FSHR: variants seen among roughly 807,000 people sequenced by gnomAD.
The protein encoded by FSHR is follicle stimulating hormone receptor.
FSHR carries 46 observed loss-of-function variants against 52.1 expected under a neutral mutation model. That is an observed-to-expected ratio of 0.88 (90% CI 0.70 to 1.13). FSHR has a LOEUF of 1.13. Among genes scored for constraint, FSHR ranks in the 50% most tolerant of loss-of-function variants. The probability of loss-of-function intolerance (pLI) is 0.00; values close to 1 mark genes in which losing one functional copy is unlikely to be tolerated. For synonymous variants in FSHR, 399 were observed against 309.6 expected (o/e 1.29, Z -3.03); for missense variants, 964 against 834.6 (o/e 1.16, Z -1.91).
intron 1 of FSHR, among the ~76,000 whole-genome samples, chr2:49,105,222 G>A (rs78307827): frequency 0.042 from 6,348 of 152,146 alleles, 419 homozygotes; most frequent in African/African-American, 0.15. Context: ...AGTGAGAAAG[G>A]GAGCCTATGT....
At chr2:49,020,022 TA>T in intron 3 of FSHR, 63 bp downstream of exon 3, 1 of 1,361,750 alleles carries the variant, frequency 7.3e-7, no homozygotes, top group Non-Finnish European at 1.1e-6. Context: ...CCCAGGAATG[TA>T]GAAGAACTTT....
chr2:49,023,401 C>T (rs1057007273), intron 2 of FSHR, among the ~76,000 whole-genome samples: 15 of 152,140 alleles, frequency 9.9e-5, no homozygotes, highest in African/African-American at 3.1e-4. Context: ...ATCTTCAGGC[C>T]TATGAATATC....
rs190340994 is a variant in FSHR, at chr2:49,138,818, A to T, written c.152+15448T>A. On this transcript the variant is annotated intron_variant, in intron 1 of 9. Coordinates refer to ENST00000406846, the MANE Select transcript of FSHR (RefSeq NM_000145.4). ...AAAGCCATTCAAATGCACACTTCAA[A>T]TGAGAAGATTGTATTGTATGTGAGT... 4.6e-5 allele frequency among the ~76,000 whole-genome samples: 7 copies of T among 152,322 alleles called. No individual in the cohort carries two copies. In the East Asian group the frequency reaches 1.4e-3, roughly 29 times the overall value.
chr2:49,077,052 C>G (rs1669977277), intron 1 of FSHR, among the ~76,000 whole-genome samples: 2 of 152,160 alleles, frequency 1.3e-5, no homozygotes, highest in Admixed American at 6.5e-5. Flanking sequence ...TGGTGGCCGT[C>G]TTCTCACAGC....
At chr2:48,993,430 A>G (rs992610834) in intron 4 of FSHR, among the ~76,000 whole-genome samples, 1 of 152,242 alleles carries the variant, frequency 6.6e-6, no homozygotes, top group African/African-American at 2.4e-5. Context: ...TATCCAGCCC[A>G]TCTCAAAGTC....
chr2:49,081,338 T>C (rs902205037), intron 1 of FSHR, among the ~76,000 whole-genome samples: 9 of 152,098 alleles, frequency 5.9e-5, no homozygotes, highest in African/African-American at 1.9e-4. Context: ...GTATCTAAAG[T>C]ATCTTATATT....
Position 49,131,020 on chromosome 2 carries a change from A to C in FSHR, c.152+23246T>G, listed in dbSNP as rs146369201. On this transcript the variant is annotated intron_variant, in intron 1 of 9. Coordinates refer to ENST00000406846, the MANE Select transcript of FSHR (RefSeq NM_000145.4). ...CTCTGGGAGTGTTACTTATACCATAATGATTATTGGAAGGAAGACAGCTTA... is the reference window on the plus strand; with the variant it reads ...CTCTGGGAGTGTTACTTATACCATACTGATTATTGGAAGGAAGACAGCTTA... Among the ~76,000 whole-genome samples the C allele has an allele frequency of 2.6e-3, 398 of 152,322 alleles. 4 individuals are homozygous for C. Among genetic ancestry groups the C allele is most frequent in the African/African-American group, 8.6e-3 (357 of 41,578 alleles).
chr2:49,045,490 G>A (rs1358551793), intron 2 of FSHR, among the ~76,000 whole-genome samples: 2 of 152,214 alleles, frequency 1.3e-5, no homozygotes, highest in East Asian at 1.9e-4. Context: ...TGAAATCTTG[G>A]CTAAGAGGTT....
At chr2:48,977,173 C>G (rs1026989254) in intron 8 of FSHR, among the ~76,000 whole-genome samples, 3 of 152,020 alleles carry the variant, frequency 2.0e-5, no homozygotes, top group Admixed American at 6.6e-5. Flanking sequence ...TTGACTAATA[C>G]AATGACTATT....
intron 2 of FSHR, among the ~76,000 whole-genome samples, chr2:49,065,314 A>G (rs1285448147): frequency 6.6e-6 from 1 of 152,122 alleles, no homozygotes; most frequent in Admixed American, 6.6e-5. Context: ...TGGGATAGGC[A>G]TGGAAGCTTC....
chr2:49,003,335 T>G (rs1288837948), intron 4 of FSHR, among the ~76,000 whole-genome samples: 1 of 152,088 alleles, frequency 6.6e-6, no homozygotes, highest in Non-Finnish European at 1.5e-5. Flanking sequence ...GACCTAGAGA[T>G]AAACTGGACA....
intron 1 of FSHR, among the ~76,000 whole-genome samples, chr2:49,117,547 C>G (rs989317262): frequency 2.0e-5 from 3 of 152,148 alleles, no homozygotes; most frequent in Non-Finnish European, 4.4e-5. Flanking sequence ...TATAAGAGTT[C>G]CGAAGACTGG....
At chr2:49,021,880 T>G (rs62165292) in intron 2 of FSHR, among the ~76,000 whole-genome samples, 19 of 51,296 alleles carry the variant, frequency 3.7e-4, no homozygotes, top group African/African-American at 6.3e-4. Context: ...TATATATATA[T>G]ATATATAGAG....
At chr2:49,115,845 C>T (rs1158922213) in intron 1 of FSHR, among the ~76,000 whole-genome samples, 1 of 152,036 alleles carries the variant, frequency 6.6e-6, no homozygotes, top group Non-Finnish European at 1.5e-5. Flanking sequence ...GGACCTCAAT[C>T]TAGGGGCAAG....
intron 1 of FSHR, among the ~76,000 whole-genome samples, chr2:49,087,845 AAGAC>A (rs1399319550): frequency 1.3e-5 from 2 of 152,230 alleles, no homozygotes; most frequent in African/African-American, 4.8e-5. Context: ...AAACAGTGAT[AAGAC>A]AGACACATTT....
chr2:48,964,417 CT>C (rs1190884565), intron 9 of FSHR, among the ~76,000 whole-genome samples: 4 of 152,180 alleles, frequency 2.6e-5, no homozygotes, highest in African/African-American at 9.7e-5. Flanking sequence ...AACTTATTTG[CT>C]TCTCTTATCT....
intron 1 of FSHR, among the ~76,000 whole-genome samples, chr2:49,124,464 TC>T (rs1486393043): frequency 5.9e-5 from 9 of 152,216 alleles, no homozygotes; most frequent in Non-Finnish European, 1.5e-5. Context: ...GAGCTGTCTT[TC>T]CTAGTTTTAC....
chr2:49,044,457 G>A (rs1476226564), intron 2 of FSHR, among the ~76,000 whole-genome samples: 1 of 152,178 alleles, frequency 6.6e-6, no homozygotes, highest in African/African-American at 2.4e-5. Context: ...CTTGATGAAT[G>A]GCTTGTGGAG....
intron 1 of FSHR, among the ~76,000 whole-genome samples, chr2:49,122,110 C>T (rs889244708): frequency 2.6e-5 from 4 of 152,130 alleles, no homozygotes; most frequent in African/African-American, 9.7e-5. Context: ...CAAATCCTGG[C>T]ATTGGTGGTG....
Sources: allele counts gnomAD v4.1 joint callset (sites outside exome capture counted in the v4.1 genomes callset), GRCh38; gene constraint gnomAD v4.1.1; transcripts MANE v1.5; gene names NCBI Gene and HGNC (gene_info 2026-07-23, HGNC 2026-07-21).